The following TNNT1 variants were observed in gnomAD, a reference collection of about 807,000 sequenced individuals.
TNNT1 encodes the protein troponin T, slow skeletal muscle.
TNNT1 carries 53 observed loss-of-function variants against 50.6 expected under a neutral mutation model. That is an observed-to-expected ratio of 1.05 (90% CI 0.84 to 1.32). TNNT1 has a LOEUF of 1.32. TNNT1 is among the 40% of genes most tolerant of loss of function. TNNT1 has a pLI of 0.00. For synonymous variants in TNNT1, 142 were observed against 138.0 expected (o/e 1.03, Z -0.20); for missense variants, 348 against 381.7 (o/e 0.91, Z 0.74).
Position 55,148,264 on chromosome 19 carries a change from G to A in TNNT1, c.-12+897C>T, listed in dbSNP as rs1599900393. ...GGGCTTCTGGGAGAATTAGTCACCCGCATCCCCTCTCCCACTCGCCCCACC... is the reference window on the plus strand; with the variant it reads ...GGGCTTCTGGGAGAATTAGTCACCCACATCCCCTCTCCCACTCGCCCCACC... On this transcript the variant is annotated intron_variant, in intron 1 of 13. Transcript: ENST00000588981. Among the ~76,000 whole-genome samples the A allele has an allele frequency of 2.6e-5, 4 of 151,942 alleles. No individual in the cohort carries two copies. The South Asian group carries it at 8.3e-4, about 32-fold the overall frequency.
intron 5 of TNNT1, among the ~76,000 whole-genome samples, chr19:55,146,145 C>T (rs912501253): frequency 2.6e-5 from 4 of 152,030 alleles, no homozygotes; most frequent in Non-Finnish European, 4.4e-5. Flanking sequence ...GGTGGTGCTT[C>T]TCCGCAAACA....
chr19:55,140,095 C>T (rs1033825303), intron 9 of TNNT1, among the ~76,000 whole-genome samples: 1 of 150,844 alleles, frequency 6.6e-6, no homozygotes, highest in African/African-American at 2.4e-5. Flanking sequence ...TGCACTCCAG[C>T]CTGGGTGACA....
chr19:55,137,092 A>T lies in TNNT1; in HGVS notation c.611+11T>A. ...CAGGCCCCTACACCCCGAGCCCCCC[A>T]CAGCACCTACCGGAGCTGTTCCTCC... On this transcript the variant is annotated intron_variant, in intron 11 of 13. Transcript: ENST00000588981. 2 of 634,858 alleles carry T rather than the reference A, an allele frequency of 3.2e-6. No homozygotes were observed. The highest frequency in any genetic ancestry group is 4.7e-6 in the Non-Finnish European group (2 of 428,480). The allele number at this position is 634,858 out of a possible 1,614,324, so 39.3% of individuals were successfully genotyped here.
rs375233982 is a variant in TNNT1 at position 55,141,959 on chromosome 19, C to A, written c.129-39G>T. The stretch of plus-strand genomic sequence containing the variant: ...AACACAGAGACCATGAGTGGCCCGA[C>A]CTCCCTGAGCCACCTCCCACCTCCG... On this transcript the variant is annotated intron_variant, in intron 6 of 13. Coordinates refer to ENST00000588981, the MANE Select transcript of TNNT1 (RefSeq NM_003283.6). The A allele has an allele frequency of 2.7e-5, 43 of 1,604,252 alleles. No homozygotes were observed. The African/African-American group carries it at 4.9e-4, about 18-fold the overall frequency.
intron 4 of TNNT1, 85 bp from the exon 5 acceptor site, chr19:55,146,551 G>A: frequency 8.9e-7 from 1 of 1,123,472 alleles, no homozygotes; most frequent in Non-Finnish European, 1.2e-6. Flanking sequence ...AGAGAGGGAA[G>A]AGACGTGAGA....
At chr19:55,141,709 C>G (rs976332760) in intron 7 of TNNT1, 148 bp downstream of exon 7, 7 of 868,758 alleles carry the variant, frequency 8.1e-6, no homozygotes, top group African/African-American at 3.3e-5. Context: ...GTCTCGAACT[C>G]CTGACCTCAG....
In TNNT1 at chr19:55,145,526, C is replaced by A; in HGVS notation, c.128+18G>T. On this transcript the variant is annotated intron_variant, in intron 6 of 13. Coordinates refer to ENST00000588981, the MANE Select transcript of TNNT1 (RefSeq NM_003283.6). ...AGGAAGATGTATGACTGGGGCCCCC[C>A]ACCCTGTAGGATCTCACCTTGGTTT... 6.2e-7 allele frequency: 1 copy of A among 1,613,152 alleles called. No homozygotes were observed.
chr19:55,145,035 T>C (rs1262989455), intron 6 of TNNT1, among the ~76,000 whole-genome samples: 1 of 151,594 alleles, frequency 6.6e-6, no homozygotes, highest in Non-Finnish European at 1.5e-5. Flanking sequence ...GGCTTGCGCC[T>C]GTAATCCCAG....
Position 55,147,139 on chromosome 19 carries a change from GCTC to G in TNNT1, c.16_18del (p.Glu6del). 6.2e-7 allele frequency: 1 copy of G among 1,613,848 alleles called. No individual in the cohort carries two copies. The highest frequency in any genetic ancestry group is 8.5e-7 in the Non-Finnish European group (1 of 1,179,882). On this transcript the variant is annotated inframe_deletion, in exon 2 of 14. Transcript: ENST00000588981. ...TGCAGCACTCACTCCTCATATTCCT[GCTC>G]CTCGGTGTCCGACATCCTGGTGCGG...
At chr19:55,144,922 T>C (rs2085519937) in intron 6 of TNNT1, among the ~76,000 whole-genome samples, 1 of 151,826 alleles carries the variant, frequency 6.6e-6, no homozygotes, top group Non-Finnish European at 1.5e-5. Flanking sequence ...GAGCCACAAG[T>C]TGTAGGCAGG....
rs1028118845 is a variant in TNNT1, at chr19:55,146,308, G to C, written c.106+126C>G. ...GGAGCTCTCAGGGGCTTAAAGGACC[G>C]GGCCTGGGGGCGGGTTATGGGGGCG... On this transcript the variant is annotated intron_variant, in intron 5 of 13. Coordinates refer to ENST00000588981, the MANE Select transcript of TNNT1 (RefSeq NM_003283.6). 2.2e-5 allele frequency: 13 copies of C among 583,800 alleles called. No homozygotes were observed. The African/African-American group carries it at 2.3e-4, about 11-fold the overall frequency. 36.2% of individuals were successfully genotyped at this position (583,800 alleles called of 1,614,324 possible).
intron 12 of TNNT1, 34 bp downstream of exon 12, chr19:55,134,030 CCT>C: frequency 6.2e-7 from 1 of 1,612,674 alleles, no homozygotes; most frequent in Non-Finnish European, 8.5e-7. Context: ...CCAGCCCTGC[CCT>C]CTCTCCCTCC....
At chr19:55,146,900 G>C in intron 3 of TNNT1, 108 bp downstream of exon 3, 2 of 1,411,158 alleles carry the variant, frequency 1.4e-6, no homozygotes, top group Non-Finnish European at 1.9e-6. Flanking sequence ...GCGAGGGCCC[G>C]AGGGCTGAGC....
intron 6 of TNNT1, among the ~76,000 whole-genome samples, chr19:55,145,162 G>A (rs2085525167): frequency 6.6e-6 from 1 of 151,570 alleles, no homozygotes; most frequent in African/African-American, 2.4e-5. Flanking sequence ...AACCAGGTGT[G>A]GTGGCACATG....
intron 5 of TNNT1, 113 bp from the exon 6 acceptor site, chr19:55,145,678 G>A: frequency 1.7e-6 from 2 of 1,149,102 alleles, no homozygotes; most frequent in Middle Eastern, 2.6e-4. Context: ...AGGACCCCAG[G>A]GAAGGACTCT....
At chr19:55,145,477 T>C in intron 6 of TNNT1, 67 bp downstream of exon 6, 2 of 1,518,504 alleles carry the variant, frequency 1.3e-6, no homozygotes, top group Non-Finnish European at 1.8e-6. Flanking sequence ...TCACACCTTG[T>C]CTCTGGGGGT....
chr19:55,137,427 T>A (rs972855225), intron 10 of TNNT1, among the ~76,000 whole-genome samples: 26 of 147,044 alleles, frequency 1.8e-4, no homozygotes, highest in Non-Finnish European at 3.3e-4. Context: ...TCTCTTAGAC[T>A]GAGTCCAAGC....
chr19:55,148,822 C>G (rs1233506158), intron 1 of TNNT1, among the ~76,000 whole-genome samples: 1 of 152,024 alleles, frequency 6.6e-6, no homozygotes, highest in Non-Finnish European at 1.5e-5. Context: ...GCCCCAAATC[C>G]TGACACCCAG....
At chr19:55,146,818 G>T (rs1026866259) in intron 3 of TNNT1, 111 bp from the exon 4 acceptor site, 2 of 1,149,810 alleles carry the variant, frequency 1.7e-6, no homozygotes, top group Admixed American at 5.7e-5. Context: ...TCTGGCCTCG[G>T]CTGCGATGGG....
Sources: gnomAD v4.1 joint callset for allele counts (sites outside exome capture counted in the v4.1 genomes callset) on GRCh38, gnomAD v4.1.1 for gene constraint, MANE v1.5 for transcripts, NCBI Gene and HGNC (gene_info 2026-07-23, HGNC 2026-07-21) for gene names.